The following LRRC37A variants were observed in gnomAD, a reference collection of about 807,000 sequenced individuals.
LRRC37A encodes leucine rich repeat containing 37A, also known as leucine-rich repeat-containing protein 37A.
Under a neutral mutation model 35.4 loss-of-function variants are expected in LRRC37A, and 3 were observed. The ratio of observed to expected loss-of-function variants is 0.08; its 90% CI spans 0.04 to 0.22. LRRC37A has a LOEUF of 0.22. LRRC37A is among the 10% of genes least tolerant of loss of function. The pLI, the probability that LRRC37A is intolerant of heterozygous loss-of-function variation, is 1.00. For synonymous variants in LRRC37A, 23 were observed against 215.0 expected (o/e 0.11, Z 7.81); for missense variants, 67 against 565.3 (o/e 0.12, Z 8.94).
At chr17:46,255,711 T>C in the LRRC37A span, among the ~76,000 whole-genome samples, 1 of 148,678 alleles carries the variant, frequency 6.7e-6, no homozygotes, top group Non-Finnish European at 1.5e-5. Flanking sequence ...AGTCTCGCTC[T>C]GTCACCCAGG....
chr17:46,269,460 A>C, the LRRC37A span, among the ~76,000 whole-genome samples: 1 of 152,242 alleles, frequency 6.6e-6, no homozygotes, highest in Non-Finnish European at 1.5e-5. Context: ...TGAACCCAGG[A>C]GGCAGAGGTT....
the LRRC37A span, among the ~76,000 whole-genome samples, chr17:46,263,873 A>AAGAGAG: frequency 1.5e-5 from 2 of 130,848 alleles, no homozygotes; most frequent in African/African-American, 2.5e-5. Flanking sequence ...AAAAAAAAAA[A>AAGAGAG]AGAGAGAGAG....
the LRRC37A span, chr17:46,268,679 T>C: frequency 1.3e-6 from 2 of 1,496,822 alleles, no homozygotes; most frequent in Non-Finnish European, 1.8e-6. Flanking sequence ...GTGCAATTCA[T>C]ACCCAATGCA....
intron 2 of LRRC37A, among the ~76,000 whole-genome samples, chr17:46,300,165 G>A (rs1163882851): frequency 1.1e-4 from 6 of 53,746 alleles, no homozygotes; most frequent in African/African-American, 2.6e-4. Flanking sequence ...CTGGGCTGCA[G>A]TGCAGTGGCA....
intron 7 of LRRC37A, among the ~76,000 whole-genome samples, chr17:46,324,100 A>T (rs565992012): frequency 2.5e-5 from 3 of 120,992 alleles, no homozygotes; most frequent in African/African-American, 5.9e-5. Flanking sequence ...TGGAAATGCC[A>T]TCTCTACTAA....
chr17:46,254,764 T>G, the LRRC37A span, among the ~76,000 whole-genome samples: 1 of 146,476 alleles, frequency 6.8e-6, no homozygotes, highest in Non-Finnish European at 1.5e-5. Context: ...TGGTCTCAAC[T>G]CCTGACCTTG....
chr17:46,268,689 A>G, the LRRC37A span: 2 of 1,481,568 alleles, frequency 1.3e-6, no homozygotes, highest in East Asian at 2.6e-5. Flanking sequence ...TACCCAATGC[A>G]TTTGAAACAA....
the LRRC37A span, among the ~76,000 whole-genome samples, chr17:46,277,614 C>G: frequency 6.9e-6 from 1 of 145,722 alleles, no homozygotes; most frequent in Non-Finnish European, 1.6e-5. Flanking sequence ...TTTCAGTTCT[C>G]TGGGTAGATT....
the LRRC37A span, among the ~76,000 whole-genome samples, chr17:46,262,498 C>T: frequency 6.6e-6 from 1 of 152,248 alleles, no homozygotes; most frequent in Non-Finnish European, 1.5e-5. Flanking sequence ...AGGGCGTGAG[C>T]CACTGCGCCT....
At chr17:46,260,080 G>C in the LRRC37A span, 4 of 1,596,934 alleles carry the variant, frequency 2.5e-6, no homozygotes, top group Non-Finnish European at 3.4e-6. Flanking sequence ...CTGCCCGGGC[G>C]CAGGTCCGGG....
the LRRC37A span, among the ~76,000 whole-genome samples, chr17:46,272,408 T>C: frequency 3.3e-5 from 5 of 152,202 alleles, no homozygotes; most frequent in Non-Finnish European, 7.3e-5. Context: ...AAATGTATGT[T>C]TTTCTTTCTT....
chr17:46,333,654 TA>T (rs2052148536), intron 10 of LRRC37A, among the ~76,000 whole-genome samples: 1 of 41,456 alleles, frequency 2.4e-5, no homozygotes, highest in Admixed American at 2.1e-4. Flanking sequence ...TTTGTCCATC[TA>T]AAATGCCCTT....
the LRRC37A span, among the ~76,000 whole-genome samples, chr17:46,254,177 T>C: frequency 6.6e-6 from 1 of 152,066 alleles, no homozygotes; most frequent in Non-Finnish European, 1.5e-5. Flanking sequence ...TTCCTAGACT[T>C]AGACCATGCT....
chr17:46,334,584 T>G (rs1332824517), intron 10 of LRRC37A: 2 of 36,170 alleles, frequency 5.5e-5, no homozygotes, highest in Non-Finnish European at 9.9e-5. Context: ...GGCAGGCAGC[T>G]AATTTAAAAA....
the LRRC37A span, chr17:46,260,292 C>T: frequency 1.3e-6 from 2 of 1,508,178 alleles, no homozygotes; most frequent in African/African-American, 1.4e-5. Flanking sequence ...GGCCTGCGCG[C>T]CGCGCCGCGA....
At chr17:46,258,649 A>T in the LRRC37A span, among the ~76,000 whole-genome samples, 20 of 152,294 alleles carry the variant, frequency 1.3e-4, no homozygotes, top group Admixed American at 8.5e-4. Context: ...ACTCAGTCAT[A>T]AAAAGGAATG....
the LRRC37A span, among the ~76,000 whole-genome samples, chr17:46,266,058 G>T: frequency 2.0e-5 from 3 of 152,222 alleles, no homozygotes; most frequent in African/African-American, 7.2e-5. Context: ...CATATATAAT[G>T]AAACAGTTTT....
At chr17:46,278,400 T>TA in the LRRC37A span, among the ~76,000 whole-genome samples, 2 of 141,376 alleles carry the variant, frequency 1.4e-5, no homozygotes, top group Admixed American at 1.4e-4. Context: ...TGTTTTATTT[T>TA]GTTTTTTTTT....
At chr17:46,276,122 C>T in the LRRC37A span, among the ~76,000 whole-genome samples, 1 of 152,218 alleles carries the variant, frequency 6.6e-6, no homozygotes, top group Non-Finnish European at 1.5e-5. Context: ...AACTCCTGAC[C>T]TCAGGTGATC....
Sources: allele counts gnomAD v4.1 joint callset (sites outside exome capture counted in the v4.1 genomes callset), GRCh38; gene constraint gnomAD v4.1.1; transcripts MANE v1.5; gene names NCBI Gene and HGNC (gene_info 2026-07-23, HGNC 2026-07-21).